The following CRTC1 variants were observed in gnomAD, a reference collection of about 807,000 sequenced individuals.
CRTC1 encodes CREB regulated transcription coactivator 1, also known as CREB-regulated transcription coactivator 1.
A neutral mutation model predicts 66.1 loss-of-function variants in CRTC1; 18 were observed. That is an observed-to-expected ratio of 0.27 (90% CI 0.19 to 0.40). The LOEUF is 0.40. Ranked by LOEUF, CRTC1 falls within the 10% of genes least tolerant of loss-of-function variation. The pLI, the probability that CRTC1 is intolerant of heterozygous loss-of-function variation, is 1.00. For missense variants in CRTC1, 669 were observed against 887.9 expected (o/e 0.75, Z 3.13); for synonymous variants, 416 against 398.8 (o/e 1.04, Z -0.51).
chr19:18,711,356 C>T (rs1211059788), intron 1 of CRTC1, among the ~76,000 whole-genome samples: 1 of 152,098 alleles, frequency 6.6e-6, no homozygotes, highest in Admixed American at 6.5e-5. Context: ...AGCATGAGGG[C>T]ACCGATCCTG....
Position 18,781,761 on chromosome 19 carries a change from G to A in CRTC1, c.*4379G>A, listed in dbSNP as rs2055108610. The A allele has an allele frequency of 4.3e-6, 1 of 230,282 alleles. No individual in the cohort carries two copies. Among genetic ancestry groups the A allele is most frequent in the Non-Finnish European group, 8.6e-6 (1 of 116,150 alleles). The allele number at this position is 230,282 out of a possible 1,614,324, so 14.3% of individuals were successfully genotyped here. ...GGCAGGGGCTGGGCCTTGGGGTGGT[G>A]CTGGCTCTGATGATTCCAGAGCCTG... On this transcript the variant is annotated 3_prime_UTR_variant, in exon 14 of 14. Coordinates refer to ENST00000321949, the MANE Select transcript of CRTC1 (RefSeq NM_015321.3).
Position 18,760,104 on chromosome 19 carries a change from C to T in CRTC1, c.762C>T (p.Phe254=), listed in dbSNP as rs766525765. The T allele has an allele frequency of 1.9e-6, 3 of 1,613,812 alleles. No individual in the cohort carries two copies. Among genetic ancestry groups the T allele is most frequent in the Non-Finnish European group, 2.5e-6 (3 of 1,179,904 alleles). The part of the protein sequence containing the change: ...GSLPDLTNIH[F]PSPLPTPLDP... ...TGCCCGACCTGACCAACATCCACTT[C>T]CCCTCCCCGCTCCCGACCCCGCTGG... Residue 254 remains phenylalanine, a synonymous_variant, in exon 8 of 14, where the codon TTC becomes TTT. Coordinates refer to ENST00000321949, the MANE Select transcript of CRTC1 (RefSeq NM_015321.3). This position sits in a 1 kb window ranked among gnomAD's most constrained non-coding sequence, Gnocchi z 6.2.
intron 1 of CRTC1, among the ~76,000 whole-genome samples, chr19:18,706,762 G>A (rs1200474923): frequency 6.6e-6 from 1 of 152,100 alleles, no homozygotes; most frequent in African/African-American, 2.4e-5. Flanking sequence ...GTGCTGTTGA[G>A]CATCTTTTCA....
chr19:18,714,362 C>T (rs1285393134), intron 1 of CRTC1, among the ~76,000 whole-genome samples: 2 of 152,072 alleles, frequency 1.3e-5, no homozygotes, highest in Admixed American at 6.5e-5. Flanking sequence ...GGCTGGAGTA[C>T]GGTGGTGTGA....
intron 6 of CRTC1, among the ~76,000 whole-genome samples, chr19:18,756,258 G>A (rs1255612181): frequency 3.3e-5 from 5 of 150,978 alleles, no homozygotes; most frequent in Non-Finnish European, 7.4e-5. Flanking sequence ...GCTTGAACCC[G>A]GGAGGCAGAG....
intron 1 of CRTC1, among the ~76,000 whole-genome samples, chr19:18,687,313 T>C (rs1341932531): frequency 6.6e-6 from 1 of 152,162 alleles, no homozygotes; most frequent in Non-Finnish European, 1.5e-5. Context: ...CATGAGCCAC[T>C]GTGCCCAGCC....
chr19:18,754,001 T>G (rs1029062510), intron 6 of CRTC1, among the ~76,000 whole-genome samples: 20 of 150,376 alleles, frequency 1.3e-4, no homozygotes, highest in African/African-American at 4.9e-5. Context: ...CTTGGGAGAC[T>G]GAGGTGGGAG....
intron 8 of CRTC1, among the ~76,000 whole-genome samples, chr19:18,764,007 G>A (rs1291126503): frequency 2.6e-5 from 4 of 152,144 alleles, no homozygotes. Context: ...AAGGGCGCTT[G>A]CTGCCTGGGG....
In CRTC1 at chr19:18,702,873, C is replaced by T. The variant is rs142324588; in HGVS notation, c.126+19045C>T. Among the ~76,000 whole-genome samples, 751 of 152,120 alleles carry T rather than the reference C, an allele frequency of 4.9e-3. 8 individuals carry two copies. The highest frequency in any genetic ancestry group is 0.017 in the African/African-American group (694 of 41,494). ...AGATAGTGCAGGGAATACCCATAAC[C>T]CCCCACCTGTTTCCCACATTGTGAA... On this transcript the variant is annotated intron_variant, in intron 1 of 13. Coordinates refer to ENST00000321949, the MANE Select transcript of CRTC1 (RefSeq NM_015321.3).
intron 4 of CRTC1, among the ~76,000 whole-genome samples, chr19:18,747,631 G>A (rs773088144): frequency 6.6e-6 from 1 of 152,042 alleles, no homozygotes; most frequent in African/African-American, 2.4e-5. Flanking sequence ...AGACTCCATC[G>A]CAAGAAAAAG....
chr19:18,697,987 T>C (rs1381221954), intron 1 of CRTC1, among the ~76,000 whole-genome samples: 1 of 151,970 alleles, frequency 6.6e-6, no homozygotes, highest in African/African-American at 2.4e-5. Context: ...GCTAATGGTA[T>C]GTACTCAGCT....
intron 1 of CRTC1, among the ~76,000 whole-genome samples, chr19:18,701,475 G>T (rs1473032522): frequency 6.6e-6 from 1 of 152,280 alleles, no homozygotes; most frequent in Non-Finnish European, 1.5e-5. Context: ...GTGAGAGCAG[G>T]ATCGCACCTT....
chr19:18,773,260 C>T (rs1038672284), intron 11 of CRTC1, among the ~76,000 whole-genome samples: 1 of 152,250 alleles, frequency 6.6e-6, no homozygotes, highest in South Asian at 2.1e-4. Context: ...ACTCACCCAT[C>T]GGTCCCACAG....
intron 1 of CRTC1, among the ~76,000 whole-genome samples, chr19:18,702,922 C>T (rs528586186): frequency 2.1e-4 from 32 of 152,168 alleles, no homozygotes; most frequent in African/African-American, 6.5e-4. Context: ...CTGGTTGCGA[C>T]GGCCGGGCTG....
rs971694598 is a variant in CRTC1, at chr19:18,741,684, C to T, written c.127-1226C>T. 3.3e-5 allele frequency among the ~76,000 whole-genome samples: 5 copies of T among 152,292 alleles called. No homozygotes were observed. In the South Asian group the frequency reaches 1.0e-3, roughly 32 times the overall value. ...ATTGTGTATGTGTCTGGCCAGCGGC[C>T]ACCAAGGGCTCCCAGCACAGACCCT... On this transcript the variant is annotated intron_variant, in intron 1 of 13. Coordinates refer to ENST00000321949, the MANE Select transcript of CRTC1 (RefSeq NM_015321.3). The surrounding 1 kb of genome is among the most constrained non-coding windows in gnomAD (Gnocchi z 4.2).
chr19:18,713,845 T>A (rs576747219), intron 1 of CRTC1, among the ~76,000 whole-genome samples: 2 of 152,072 alleles, frequency 1.3e-5, no homozygotes, highest in Non-Finnish European at 2.9e-5. Flanking sequence ...CACGCAGAGG[T>A]GGGAGCTGGA....
rs557648654 is a variant in CRTC1, at chr19:18,696,661, C to T, written c.126+12833C>T. 2.0e-5 allele frequency among the ~76,000 whole-genome samples: 3 copies of T among 152,144 alleles called. No individual in the cohort carries two copies. In the South Asian group the frequency reaches 6.2e-4, roughly 32 times the overall value. ...ATCTGTTGAGAAGCATAGAGGTTGT[C>T]CCTGGTTTTTCTCAACCTAAACATT... On this transcript the variant is annotated intron_variant, in intron 1 of 13. Coordinates refer to ENST00000321949, the MANE Select transcript of CRTC1 (RefSeq NM_015321.3).
intron 1 of CRTC1, among the ~76,000 whole-genome samples, chr19:18,720,268 A>C (rs144065043): frequency 2.6e-5 from 4 of 152,074 alleles, no homozygotes; most frequent in Non-Finnish European, 5.9e-5. Flanking sequence ...GGTTCAAGCA[A>C]TTCTCCTGCC....
intron 5 of CRTC1, 128 bp from the exon 6 acceptor site, chr19:18,753,372 C>T (rs2054413231): frequency 7.7e-6 from 5 of 653,172 alleles, no homozygotes; most frequent in Admixed American, 2.6e-5. Flanking sequence ...CAGAAGTTCC[C>T]GTTAGGACAG....
Sources: gnomAD v4.1 joint callset for allele counts (sites outside exome capture counted in the v4.1 genomes callset) on GRCh38, gnomAD v4.1.1 for gene constraint, Gnocchi (gnomAD v3.1) non-coding constraint, MANE v1.5 for transcripts, NCBI Gene and HGNC (gene_info 2026-07-23, HGNC 2026-07-21) for gene names.